The following ZFP30 variants were observed in gnomAD, a reference collection of about 807,000 sequenced individuals.
ZFP30 encodes the protein zinc finger protein 30 homolog.
Under a neutral mutation model 12.3 loss-of-function variants are expected in ZFP30, and 16 were observed. That is an observed-to-expected ratio of 1.30 (90% CI 0.88 to 1.98). ZFP30 has a LOEUF of 1.98. ZFP30 is among the 30% of genes most tolerant of loss of function. The pLI is 0.00. For synonymous variants in ZFP30, 172 were observed against 201.0 expected (o/e 0.86, Z 1.22); for missense variants, 560 against 611.2 (o/e 0.92, Z 0.88).
At chr19:37,642,449 A>G (rs2044454671) in intron 5 of ZFP30, among the ~76,000 whole-genome samples, 1 of 152,178 alleles carries the variant, frequency 6.6e-6, no homozygotes, top group Non-Finnish European at 1.5e-5. Flanking sequence ...CAACCCATCT[A>G]AAATTACTCT....
chr19:37,647,695 G>A, intron 3 of ZFP30, 119 bp downstream of exon 3: 2 of 1,282,044 alleles, frequency 1.6e-6, no homozygotes, highest in Non-Finnish European at 2.2e-6. Flanking sequence ...GAATGGGGAA[G>A]ACTGGGGAGA....
intron 5 of ZFP30, among the ~76,000 whole-genome samples, chr19:37,636,552 A>T (rs1599610325): frequency 6.6e-6 from 1 of 152,214 alleles, no homozygotes; most frequent in East Asian, 1.9e-4. Flanking sequence ...TAAATTTTTC[A>T]ATTTCTCTTT....
chr19:37,636,539 A>G (rs2044331320), intron 5 of ZFP30, among the ~76,000 whole-genome samples: 1 of 152,140 alleles, frequency 6.6e-6, no homozygotes, highest in South Asian at 2.1e-4. Context: ...GAGACTCCCC[A>G]CTTAAATTTT....
intron 5 of ZFP30, among the ~76,000 whole-genome samples, chr19:37,641,121 C>T (rs1248798347): frequency 6.6e-6 from 1 of 152,220 alleles, no homozygotes; most frequent in African/African-American, 2.4e-5. Flanking sequence ...TCACCACATT[C>T]TCCAATCAAT....
intron 5 of ZFP30, among the ~76,000 whole-genome samples, chr19:37,643,019 C>CTA (rs1306507651): frequency 7.0e-6 from 1 of 142,180 alleles, no homozygotes; most frequent in Admixed American, 7.5e-5. Flanking sequence ...CGCCACTGCA[C>CTA]TCTAGCCTGG....
intron 2 of ZFP30, among the ~76,000 whole-genome samples, chr19:37,654,284 T>C (rs2044709158): frequency 6.6e-6 from 1 of 152,196 alleles, no homozygotes; most frequent in South Asian, 2.1e-4. Flanking sequence ...AAACTCATGC[T>C]GCCAGACCTC....
chr19:37,643,095 A>G (rs1043096493), intron 5 of ZFP30, among the ~76,000 whole-genome samples, 170 bp downstream of exon 5: 1 of 151,920 alleles, frequency 6.6e-6, no homozygotes, highest in Non-Finnish European at 1.5e-5. Flanking sequence ...ACGAGTGATA[A>G]GTGGAAGTAT....
Position 37,634,959 on chromosome 19 carries a change from AAAGG to A in ZFP30, c.*18_*21del, listed in dbSNP as rs1463592054. On this transcript the variant is annotated 3_prime_UTR_variant, in exon 6 of 6. Coordinates refer to ENST00000684514, the MANE Select transcript of ZFP30 (RefSeq NM_001320669.3). ...TTCCTATGCTCAACATAAAATTCGC[AAAGG>A]AAGAGTTCTAATAATTATTAAGTTA... The A allele has an allele frequency of 2.6e-6, 4 of 1,511,696 alleles. No individual in the cohort carries two copies. Among genetic ancestry groups the A allele is most frequent in the Non-Finnish European group, 3.5e-6 (4 of 1,134,178 alleles). The allele number at this position is 1,511,696 out of a possible 1,614,324, so 93.6% of individuals were successfully genotyped here.
At position 37,635,059 on chromosome 19, in the gene ZFP30, G is replaced by A. The variant is rs535727995; in HGVS notation, c.1482C>T (p.Tyr494=). The change falls in exon 6 of 6, where the codon TAC becomes TAT. Residue 494 remains tyrosine (Y), a synonymous_variant. Transcript: ENST00000684514. ...ATGCCTTTTTACATTCCTTACATTTGTATGGTTTCTCACCAGAATGAATTC... is the reference window on the plus strand; with the variant it reads ...ATGCCTTTTTACATTCCTTACATTTATATGGTTTCTCACCAGAATGAATTC... ...HQRIHSGEKP[Y]KCKECKKAFR... 10 of 1,610,292 alleles carry A rather than the reference G, an allele frequency of 6.2e-6. No homozygotes were observed. In the East Asian group the frequency reaches 2.0e-4, roughly 32 times the overall value.
chr19:37,635,691 G>A lies in ZFP30; in HGVS notation c.850C>T (p.His284Tyr). Residue 284 changes from histidine to tyrosine, a missense_variant, in exon 6 of 6, where the codon CAC becomes TAC. Physicochemically the swap from His to Tyr is moderately conservative, Grantham distance 83. Transcript: ENST00000684514. Reference sequence around the variant, plus strand: ...TTCAGTCTCTGATGTCGAGTAAGGTGTGCATACTGCCTAAAGGCCTTCCCA... The same window carrying A: ...TTCAGTCTCTGATGTCGAGTAAGGTATGCATACTGCCTAAAGGCCTTCCCA... ...ECGKAFRQYAHLTRHQRLNIA... is the reference protein window; with the variant it reads ...ECGKAFRQYAYLTRHQRLNIA... The A allele has an allele frequency of 6.2e-7, 1 of 1,614,118 alleles. No homozygotes were observed. The highest frequency in any genetic ancestry group is 8.5e-7 in the Non-Finnish European group (1 of 1,180,014).
intron 5 of ZFP30, among the ~76,000 whole-genome samples, chr19:37,642,482 T>C (rs537762297): frequency 6.6e-6 from 1 of 152,198 alleles, no homozygotes; most frequent in African/African-American, 2.4e-5. Flanking sequence ...TAATTCTCCA[T>C]ATCCTTACCT....
At chr19:37,654,111 CGTAAA>C (rs892206136) in intron 2 of ZFP30, among the ~76,000 whole-genome samples, 6 of 152,254 alleles carry the variant, frequency 3.9e-5, no homozygotes, top group Admixed American at 6.5e-5. Flanking sequence ...AAAACAACAC[CGTAAA>C]GTATACACTA....
intron 2 of ZFP30, among the ~76,000 whole-genome samples, chr19:37,654,492 G>T (rs2044712948): frequency 6.6e-6 from 1 of 152,152 alleles, no homozygotes; most frequent in Non-Finnish European, 1.5e-5. Flanking sequence ...CAGAGTAATT[G>T]AATTTGCAGC....
At position 37,634,810 on chromosome 19, in the gene ZFP30, G is replaced by A; in HGVS notation, c.*171C>T. The A allele has an allele frequency of 1.5e-6, 1 of 663,188 alleles. No homozygotes were observed. The highest frequency in any genetic ancestry group is 2.2e-6 in the Non-Finnish European group (1 of 444,866). 41.1% of individuals were successfully genotyped at this position (663,188 alleles called of 1,614,324 possible). A position where few individuals can be genotyped will look rare whatever the true frequency, so the allele number is the denominator to read the frequency against. ...CCTAAAGTTTAACATGGTTTCAAAG[G>A]TGATGAAAGGCTTCTATATGTTCAT... On this transcript the variant is annotated 3_prime_UTR_variant, in exon 6 of 6. Transcript: ENST00000684514.
chr19:37,641,550 G>A (rs2044435637), intron 5 of ZFP30, among the ~76,000 whole-genome samples: 2 of 152,074 alleles, frequency 1.3e-5, no homozygotes, highest in South Asian at 2.1e-4. Context: ...CTTGGCCTAC[G>A]CACCTCCCAA....
In ZFP30 at chr19:37,635,864, C is replaced by T. The variant is rs772727663; in HGVS notation, c.677G>A (p.Gly226Asp). 1.2e-6 allele frequency: 2 copies of T among 1,614,154 alleles called. No homozygotes were observed. Among genetic ancestry groups the T allele is most frequent in the Non-Finnish European group, 1.7e-6 (2 of 1,180,036 alleles). ...CKKCGKIFTC[G>D]SDLRVHQRIH... ...TCTCTGATGTACTCGAAGGTCTGAG[C>T]CACATGTGAAGATCTTTCCACATTT... The change falls in exon 6 of 6, where the codon GGC becomes GAC. Residue 226 changes from glycine (G) to aspartate (D), a missense_variant. Physicochemically the swap from Gly to Asp is moderately conservative, Grantham distance 94 (BLOSUM62 -1). Coordinates refer to ENST00000684514, the MANE Select transcript of ZFP30 (RefSeq NM_001320669.3).
In ZFP30 at chr19:37,634,835, T is replaced by C; in HGVS notation, c.*146A>G. Reference sequence around the variant, plus strand: ...GTGATGAAAGGCTTCTATATGTTCATTAACATATTCTTTCCTTTAAATAAA... The same window carrying C: ...GTGATGAAAGGCTTCTATATGTTCACTAACATATTCTTTCCTTTAAATAAA... On this transcript the variant is annotated 3_prime_UTR_variant, in exon 6 of 6. Transcript: ENST00000684514. 1 of 885,510 alleles carries C rather than the reference T, an allele frequency of 1.1e-6. No homozygotes were observed. The highest frequency in any genetic ancestry group is 1.6e-6 in the Non-Finnish European group (1 of 635,090). 54.9% of individuals were successfully genotyped at this position (885,510 alleles called of 1,614,324 possible). A position where few individuals can be genotyped will look rare whatever the true frequency, so the allele number is the denominator to read the frequency against.
rs533753247 is a variant in ZFP30 at position 37,631,144 on chromosome 19, A to T, written c.*3837T>A. 1 of 152,342 alleles carries T rather than the reference A, an allele frequency of 6.6e-6. No individual in the cohort carries two copies. Among genetic ancestry groups the T allele is most frequent in the African/African-American group, 2.4e-5 (1 of 41,576 alleles). 9.4% of individuals were successfully genotyped at this position (152,342 alleles called of 1,614,324 possible). A position where few individuals can be genotyped will look rare whatever the true frequency, so the allele number is the denominator to read the frequency against. On this transcript the variant is annotated 3_prime_UTR_variant, in exon 6 of 6. Transcript: ENST00000684514. ...CTTCCAACACAACTAACCACCTGAC[A>T]TGAGGTCCGAACTTTCCACCTTTGC...
rs73932926 is a variant in ZFP30, at chr19:37,635,842, C to G, written c.699G>C (p.Gln233His). The G allele has an allele frequency of 6.2e-7, 1 of 1,614,148 alleles. No individual in the cohort carries two copies. Among genetic ancestry groups the G allele is most frequent in the Non-Finnish European group, 8.5e-7 (1 of 1,180,038 alleles). Reference protein sequence around the residue: ...FTCGSDLRVHQRIHIGEKPYE... With the variant: ...FTCGSDLRVHHRIHIGEKPYE... ...ACGGCTTCTCACCAATATGAATTCT[C>G]TGATGTACTCGAAGGTCTGAGCCAC... is the stretch of plus-strand genomic sequence containing the variant. The change falls in exon 6 of 6, where the codon CAG (glutamine) becomes CAC (histidine). Residue 233 changes from glutamine (Q) to histidine (H), a missense_variant. Coordinates refer to ENST00000684514, the MANE Select transcript of ZFP30 (RefSeq NM_001320669.3).
Sources: gnomAD v4.1 joint callset for allele counts (sites outside exome capture counted in the v4.1 genomes callset) on GRCh38, gnomAD v4.1.1 for gene constraint, MANE v1.5 for transcripts, NCBI Gene and HGNC (gene_info 2026-07-23, HGNC 2026-07-21) for gene names.